RETREG2: variants seen among roughly 807,000 people sequenced by gnomAD.
The protein encoded by RETREG2 is reticulophagy regulator family member 2.
In RETREG2, 21 loss-of-function variants were observed where a neutral mutation model predicts 51.6. The ratio of observed to expected loss-of-function variants is 0.41; its 90% CI spans 0.29 to 0.59. The LOEUF (loss-of-function observed/expected upper bound fraction) is 0.59, where lower values mean the gene tolerates loss of function less well. Among genes scored for constraint, RETREG2 ranks in the 20% least tolerant of loss-of-function variants. The pLI is 0.34. For missense variants in RETREG2, 674 were observed against 646.0 expected (o/e 1.04, Z -0.47); for synonymous variants, 339 against 288.6 (o/e 1.17, Z -1.77).
In RETREG2 at chr2:219,182,766, T is replaced by A; in HGVS notation, c.*137T>A. On this transcript the variant is annotated 3_prime_UTR_variant, in exon 9 of 9. Transcript: ENST00000430297. ...CTGTCGGATGGTAGCTATTCCACCCTCTGCCTGCCTGCCTGCCTGCTGTCC... is the reference window on the plus strand; with the variant it reads ...CTGTCGGATGGTAGCTATTCCACCCACTGCCTGCCTGCCTGCCTGCTGTCC... The A allele has an allele frequency of 1.0e-6, 1 of 961,428 alleles. No individual in the cohort carries two copies. The highest frequency in any genetic ancestry group is 1.5e-6 in the Non-Finnish European group (1 of 652,298). The allele number at this position is 961,428 out of a possible 1,614,324, so 59.6% of individuals were successfully genotyped here. A position where few individuals can be genotyped will look rare whatever the true frequency, so the allele number is the denominator to read the frequency against.
rs771916864 is a variant in RETREG2 at position 219,181,348 on chromosome 2, C to T, written c.785-21C>T. On this transcript the variant is annotated intron_variant, in intron 6 of 8. Transcript: ENST00000430297. Reference sequence around the variant, plus strand: ...CCATCATTCATGCTTGGTCATTGCTCTACTACTCTTGCTTTTCTAGAGCGT... The same window carrying T: ...CCATCATTCATGCTTGGTCATTGCTTTACTACTCTTGCTTTTCTAGAGCGT... 6 of 1,612,642 alleles carry T rather than the reference C, an allele frequency of 3.7e-6. No homozygotes were observed. In the South Asian group the frequency reaches 4.4e-5, roughly 12 times the overall value.
chr2:219,182,387 C>G lies in RETREG2; in HGVS notation c.1390C>G (p.Pro464Ala). 1.9e-6 allele frequency: 3 copies of G among 1,614,090 alleles called. No individual in the cohort carries two copies. The highest frequency in any genetic ancestry group is 1.6e-4 in the Middle Eastern group (1 of 6,062). Residue 464 changes from proline to alanine, a missense_variant, in exon 9 of 9, where the codon CCT becomes GCT. Transcript: ENST00000430297. ...TGTTGGAAGTGACCCAGCCCCCTCC[C>G]CTTCCATTCTCCCACCTGTTCCCCA... ...CLVGSDPAPS[P>A]SILPPVPQDS...
rs778436157 is a variant in RETREG2 at position 219,180,208 on chromosome 2, A to G, written c.518A>G (p.Gln173Arg). 2 of 1,614,096 alleles carry G rather than the reference A, an allele frequency of 1.2e-6. No homozygotes were observed. Among genetic ancestry groups the G allele is most frequent in the African/African-American group, 2.7e-5 (2 of 74,922 alleles). The stretch of plus-strand genomic sequence containing the variant: ...TGGCTCACCTTCCAGATTCACCTGC[A>G]GGAGCTGCTGCAGTACAAGAGGCAG... ...ESWLTFQIHL[Q>R]ELLQYKRQNP... is the part of the protein sequence containing the mutation. The change falls in exon 4 of 9, where the codon CAG becomes CGG. Residue 173 changes from glutamine to arginine, a missense_variant. Physicochemically the swap from Gln to Arg is conservative, Grantham distance 43. Coordinates refer to ENST00000430297, the MANE Select transcript of RETREG2 (RefSeq NM_024293.6).
chr2:219,179,439 C>G (rs149413533), intron 2 of RETREG2, among the ~76,000 whole-genome samples: 181 of 152,274 alleles, frequency 1.2e-3, no homozygotes, highest in African/African-American at 3.9e-3. Context: ...CACATATAAG[C>G]CTTATAAATA....
chr2:219,182,051 A>G lies in RETREG2; in HGVS notation c.1054A>G (p.Thr352Ala). The change falls in exon 9 of 9, where the codon ACC becomes GCC. Residue 352 changes from threonine to alanine, a missense_variant. Coordinates refer to ENST00000430297, the MANE Select transcript of RETREG2 (RefSeq NM_024293.6). ...QQSLPSEPEETLSRDLGEGEE... is the reference protein window; with the variant it reads ...QQSLPSEPEEALSRDLGEGEE... ...GAGCCTGCCAAGTGAACCAGAGGAG[A>G]CCCTAAGCCGGGACCTAGGGGAGGG... The G allele has an allele frequency of 6.2e-7, 1 of 1,613,844 alleles. No homozygotes were observed. The highest frequency in any genetic ancestry group is 8.5e-7 in the Non-Finnish European group (1 of 1,179,942).
Position 219,182,993 on chromosome 2 carries a change from T to A in RETREG2, c.*364T>A, listed in dbSNP as rs756178715. 4.6e-5 allele frequency: 12 copies of A among 262,570 alleles called. No individual in the cohort carries two copies. Among genetic ancestry groups the A allele is most frequent in the Non-Finnish European group, 8.2e-5 (11 of 134,866 alleles). 16.3% of individuals were successfully genotyped at this position (262,570 alleles called of 1,614,324 possible). A position where few individuals can be genotyped will look rare whatever the true frequency, so the allele number is the denominator to read the frequency against. On this transcript the variant is annotated 3_prime_UTR_variant, in exon 9 of 9. Transcript: ENST00000430297. Reference sequence around the variant, plus strand: ...CTTTTTCCTCCTATCCTCAGGGACCTGTGCTGCTCTGCCCTCATGTCCCAC... The same window carrying A: ...CTTTTTCCTCCTATCCTCAGGGACCAGTGCTGCTCTGCCCTCATGTCCCAC...
chr2:219,183,137 A>G lies in RETREG2; in HGVS notation c.*508A>G, dbSNP rs1328453117. On this transcript the variant is annotated 3_prime_UTR_variant, in exon 9 of 9. Transcript: ENST00000430297. ...ACCCCATCCTTTGCCAGCTCCTCCT[A>G]TCCCGTGGGCACTGGCCAAGCTTTA... is the stretch of plus-strand genomic sequence containing the variant. 1.2e-5 allele frequency: 2 copies of G among 165,300 alleles called. No homozygotes were observed. Among genetic ancestry groups the G allele is most frequent in the South Asian group, 2.9e-4 (2 of 6,804 alleles). 10.2% of individuals were successfully genotyped at this position (165,300 alleles called of 1,614,324 possible).
At chr2:219,181,486 G>T in intron 7 of RETREG2, 23 bp downstream of exon 7, 1 of 1,612,386 alleles carries the variant, frequency 6.2e-7, no homozygotes, top group Non-Finnish European at 8.5e-7. Flanking sequence ...GAAAGCGGGG[G>T]TGTCAAATAG....
intron 3 of RETREG2, 100 bp from the exon 4 acceptor site, chr2:219,180,010 G>A: frequency 1.3e-6 from 2 of 1,499,332 alleles, no homozygotes; most frequent in South Asian, 2.4e-5. Flanking sequence ...GGGGTCATTT[G>A]CTTTTTTAGA....
In RETREG2 at chr2:219,182,815, C is replaced by T. The variant is rs1950302597; in HGVS notation, c.*186C>T. ...CCTGGGCATGGTGCAGTACCTGTGC[C>T]TAGGATTGGTTTTAAATTTGTAAAT... On this transcript the variant is annotated 3_prime_UTR_variant, in exon 9 of 9. Transcript: ENST00000430297. The T allele has an allele frequency of 2.0e-5, 13 of 651,054 alleles. No homozygotes were observed. Among genetic ancestry groups the T allele is most frequent in the Non-Finnish European group, 2.9e-5 (11 of 384,198 alleles). 40.3% of individuals were successfully genotyped at this position (651,054 alleles called of 1,614,324 possible).
chr2:219,182,660 A>C lies in RETREG2; in HGVS notation c.*31A>C. 3.7e-6 allele frequency: 6 copies of C among 1,607,798 alleles called. No homozygotes were observed. Among genetic ancestry groups the C allele is most frequent in the Non-Finnish European group, 5.1e-6 (6 of 1,175,962 alleles). ...CCGTTGAGGAAGGAGCTGCAGGCAC[A>C]GTAGGGCTTCCTGGCTAGGAGTGTT... On this transcript the variant is annotated 3_prime_UTR_variant, in exon 9 of 9. Transcript: ENST00000430297.
chr2:219,185,285 A>C lies in RETREG2; in HGVS notation c.*2656A>C, dbSNP rs1258800334. 6.6e-6 allele frequency: 1 copy of C among 152,206 alleles called. No individual in the cohort carries two copies. 9.4% of individuals were successfully genotyped at this position (152,206 alleles called of 1,614,324 possible). On this transcript the variant is annotated 3_prime_UTR_variant, in exon 9 of 9. Transcript: ENST00000430297. Reference sequence around the variant, plus strand: ...AGTAAAAGAAAAAAGCAGAAATGTGAAACCTACAATTAGGCTAAACAAAAA... The same window carrying C: ...AGTAAAAGAAAAAAGCAGAAATGTGCAACCTACAATTAGGCTAAACAAAAA...
intron 7 of RETREG2, 55 bp downstream of exon 7, chr2:219,181,518 C>G: frequency 6.2e-7 from 1 of 1,607,318 alleles, no homozygotes; most frequent in Non-Finnish European, 8.5e-7. Context: ...AAAAATCTTT[C>G]TGCTTTGGAG....
At chr2:219,178,827 C>T in intron 1 of RETREG2, 95 bp from the exon 2 acceptor site, 1 of 1,097,350 alleles carries the variant, frequency 9.1e-7, no homozygotes, top group Non-Finnish European at 1.3e-6. Context: ...CCTGGAGGTG[C>T]CATTACCCCA....
In RETREG2 at chr2:219,182,044, AGAG is replaced by A; in HGVS notation, c.1051_1053del (p.Glu351del). The stretch of plus-strand genomic sequence containing the variant: ...ACCAGCAGAGCCTGCCAAGTGAACC[AGAG>A]GAGACCCTAAGCCGGGACCTAGGGG... On this transcript the variant is annotated inframe_deletion, in exon 9 of 9. Coordinates refer to ENST00000430297, the MANE Select transcript of RETREG2 (RefSeq NM_024293.6). The A allele has an allele frequency of 6.2e-7, 1 of 1,614,122 alleles. No homozygotes were observed. Among genetic ancestry groups the A allele is most frequent in the South Asian group, 1.1e-5 (1 of 91,082 alleles).
chr2:219,184,830 T>TTTTTTTTG lies in RETREG2; in HGVS notation c.*2208_*2209insGTTTTTTT, dbSNP rs1559224182. On this transcript the variant is annotated 3_prime_UTR_variant, in exon 9 of 9. Transcript: ENST00000430297. ...TGGTTTTTTGTTTTTTGTGGGTTTT[T>TTTTTTTTG]TTTTTTTTTTTTTTGAGACGGAGTC... The TTTTTTTTG allele has an allele frequency of 7.5e-6, 1 of 134,156 alleles. No homozygotes were observed. Among genetic ancestry groups the TTTTTTTTG allele is most frequent in the Non-Finnish European group, 1.6e-5 (1 of 61,076 alleles). 8.3% of individuals were successfully genotyped at this position (134,156 alleles called of 1,614,324 possible). A position where few individuals can be genotyped will look rare whatever the true frequency, so the allele number is the denominator to read the frequency against.
At position 219,180,197 on chromosome 2, in the gene RETREG2, G is replaced by A. The variant is rs754515503; in HGVS notation, c.507G>A (p.Gln169=). The A allele has an allele frequency of 6.2e-7, 1 of 1,614,212 alleles. No homozygotes were observed. The highest frequency in any genetic ancestry group is 8.5e-7 in the Non-Finnish European group (1 of 1,180,038). Reference sequence around the variant, plus strand: ...TGGCTGAGAGCTGGCTCACCTTCCAGATTCACCTGCAGGAGCTGCTGCAGT... The same window carrying A: ...TGGCTGAGAGCTGGCTCACCTTCCAAATTCACCTGCAGGAGCTGCTGCAGT... ...RYLAESWLTF[Q]IHLQELLQYK... is the part of the protein sequence containing the mutation. Residue 169 remains glutamine (Q), a synonymous_variant, in exon 4 of 9, where the codon CAG becomes CAA. Coordinates refer to ENST00000430297, the MANE Select transcript of RETREG2 (RefSeq NM_024293.6).
At chr2:219,181,549 G>A (rs1328499795) in intron 7 of RETREG2, 86 bp downstream of exon 7, 3 of 1,599,110 alleles carry the variant, frequency 1.9e-6, no homozygotes, top group East Asian at 2.2e-5. Context: ...CAAAGGAGGT[G>A]GAAGCCAGAG....
Position 219,181,077 on chromosome 2 carries a change from T to G in RETREG2, c.656T>G (p.Leu219Arg). 1 of 1,614,208 alleles carries G rather than the reference T, an allele frequency of 6.2e-7. No individual in the cohort carries two copies. Among genetic ancestry groups the G allele is most frequent in the Non-Finnish European group, 8.5e-7 (1 of 1,180,030 alleles). The change falls in exon 6 of 9, where the codon CTG becomes CGG. Residue 219 changes from leucine to arginine, a missense_variant. Leu to Arg is a moderately radical substitution (Grantham distance 102). Coordinates refer to ENST00000430297, the MANE Select transcript of RETREG2 (RefSeq NM_024293.6). ...ISYIVLLSIL[L>R]WPLVVYHELI... ...TAACCCATAGTGTTGAGTATCCTGCTGTGGCCCCTGGTGGTTTATCATGAG... is the reference window on the plus strand; with the variant it reads ...TAACCCATAGTGTTGAGTATCCTGCGGTGGCCCCTGGTGGTTTATCATGAG...
Sources: gnomAD v4.1 joint callset for allele counts (sites outside exome capture counted in the v4.1 genomes callset) on GRCh38, gnomAD v4.1.1 for gene constraint, MANE v1.5 for transcripts, NCBI Gene and HGNC (gene_info 2026-07-23, HGNC 2026-07-21) for gene names.